KATNB1: variants seen among roughly 807,000 people sequenced by gnomAD.
KATNB1 encodes the protein katanin p80 WD40 repeat-containing subunit B1.
KATNB1 carries 38 observed loss-of-function variants against 82.3 expected under a neutral mutation model. That is an observed-to-expected ratio of 0.46 (90% CI 0.36 to 0.61). The LOEUF is 0.61. Ranked by LOEUF, KATNB1 falls within the 20% of genes least tolerant of loss-of-function variation. KATNB1 has a pLI of 0.00. For missense variants in KATNB1, 749 were observed against 915.7 expected, an observed-to-expected ratio of 0.82 and a Z score of 2.35; for synonymous variants, 361 against 368.7, an observed-to-expected ratio of 0.98 and a Z score of 0.24.
At chr16:57,749,393 C>T (rs1377984659) in intron 4 of KATNB1, among the ~76,000 whole-genome samples, 1 of 152,176 alleles carries the variant, frequency 6.6e-6, no homozygotes, top group Non-Finnish European at 1.5e-5. Flanking sequence ...TTGTCTGATG[C>T]CAGAGCCCAC....
At chr16:57,753,612 C>T in intron 12 of KATNB1, 93 bp downstream of exon 12, 1 of 1,487,434 alleles carries the variant, frequency 6.7e-7, no homozygotes, top group South Asian at 1.2e-5. Flanking sequence ...GCTCCGCATC[C>T]CTTTAACTTC....
intron 12 of KATNB1, 151 bp downstream of exon 12, chr16:57,753,670 G>A (rs1388537497): frequency 8.9e-7 from 1 of 1,124,788 alleles, no homozygotes; most frequent in Admixed American, 2.7e-5. Flanking sequence ...CGTTCCCTGG[G>A]CCTTGCCAGG....
In KATNB1 at chr16:57,752,569, G is replaced by A; in HGVS notation, c.672G>A (p.Val224=). 6.4e-7 allele frequency: 1 copy of A among 1,570,014 alleles called. No homozygotes were observed. The highest frequency in any genetic ancestry group is 8.6e-7 in the Non-Finnish European group (1 of 1,157,584). ...RFWDLEKFQV[V]SCIEGEPGPV... is the part of the protein sequence containing the mutation. ...GGGACCTGGAGAAGTTCCAGGTGGT[G>A]AGCTGCATCGAAGGGGAGCCTGGGC... The change falls in exon 9 of 20, where the codon GTG becomes GTA. Residue 224 remains valine (V), a synonymous_variant. Coordinates refer to ENST00000379661, the MANE Select transcript of KATNB1 (RefSeq NM_005886.3).
chr16:57,752,756 G>A lies in KATNB1; in HGVS notation c.705-22G>A, dbSNP rs782430460. On this transcript the variant is annotated intron_variant, in intron 9 of 19. Coordinates refer to ENST00000379661, the MANE Select transcript of KATNB1 (RefSeq NM_005886.3). ...CCAGGCTGGGTGCCACAGGACCCAC[G>A]GCCATCTCTCGCCTGGCCCAGGAGC... 3.6e-5 allele frequency: 58 copies of A among 1,605,176 alleles called. 1 individual carries two copies. In the Admixed American group the frequency reaches 4.0e-4, roughly 11 times the overall value.
rs577532958 is a variant in KATNB1 at position 57,755,721 on chromosome 16, G to A, written c.1567-120G>A. 2,732 of 1,041,936 alleles carry A rather than the reference G, an allele frequency of 2.6e-3. 6 individuals carry two copies. Among genetic ancestry groups the A allele is most frequent in the Non-Finnish European group, 3.3e-3 (2,402 of 722,772 alleles). The allele number at this position is 1,041,936 out of a possible 1,614,324, so 64.5% of individuals were successfully genotyped here. A position where few individuals can be genotyped will look rare whatever the true frequency, so the allele number is the denominator to read the frequency against. ...CCTTACACTCATTGCGTTAGGTGCA[G>A]TGCTGAATACCCACAGCCCCATCAG... On this transcript the variant is annotated intron_variant, in intron 16 of 19. Transcript: ENST00000379661.
chr16:57,739,872 C>T lies in KATNB1; in HGVS notation c.41-1815C>T, dbSNP rs570481736. Among the ~76,000 whole-genome samples, 3 of 152,238 alleles carry T rather than the reference C, an allele frequency of 2.0e-5. No homozygotes were observed. The South Asian group carries it at 6.2e-4, about 32-fold the overall frequency. ...AAATACTGATATTATGAATGAATGC[C>T]CCTGACTCCAGGGGCAGCAGTCCTG... is the stretch of plus-strand genomic sequence containing the variant. On this transcript the variant is annotated intron_variant, in intron 2 of 19. Transcript: ENST00000379661.
At chr16:57,741,077 C>G (rs868909551) in intron 2 of KATNB1, among the ~76,000 whole-genome samples, 103 of 152,236 alleles carry the variant, frequency 6.8e-4, no homozygotes, top group African/African-American at 2.3e-3. Context: ...TAGCAGATCA[C>G]AGACCTCAGA....
Position 57,751,387 on chromosome 16 carries a change from A to AGG in KATNB1, c.432+88_432+89dup. On this transcript the variant is annotated intron_variant, in intron 6 of 19. Transcript: ENST00000379661. This position sits in a 1 kb window ranked among gnomAD's most constrained non-coding sequence, Gnocchi z 6.3. ...GTGCCCAGACCCCAGCAGGGGGTGG[A>AGG]GGGGACGGCTGTCCCACATGGGTGA... 3.7e-6 allele frequency: 5 copies of AGG among 1,341,298 alleles called. No individual in the cohort carries two copies. The highest frequency in any genetic ancestry group is 4.3e-6 in the Non-Finnish European group (4 of 932,440). The allele number at this position is 1,341,298 out of a possible 1,614,324, so 83.1% of individuals were successfully genotyped here.
intron 8 of KATNB1, 50 bp from the exon 9 acceptor site, chr16:57,752,480 A>AG: frequency 6.7e-7 from 1 of 1,500,884 alleles, no homozygotes; most frequent in Non-Finnish European, 9.1e-7. Context: ...GGACATGTGG[A>AG]GGCCAGGATG....
At position 57,753,506 on chromosome 16, in the gene KATNB1, C is replaced by T; in HGVS notation, c.1164C>T (p.Pro388=). The T allele has an allele frequency of 6.2e-7, 1 of 1,613,104 alleles. No homozygotes were observed. The highest frequency in any genetic ancestry group is 8.5e-7 in the Non-Finnish European group (1 of 1,179,924). ...AGGACTACAACGAGATCTTCCAGCC[C>T]AAGAACAGCATCAGTGAGGCCGGGC... ...NAEDYNEIFQ[P]KNSISRTPPR... Residue 388 remains proline (P), a synonymous_variant, in exon 12 of 20, where the codon CCC becomes CCT. Transcript: ENST00000379661.
At chr16:57,746,866 C>G (rs1490300864) in intron 4 of KATNB1, among the ~76,000 whole-genome samples, 3 of 152,092 alleles carry the variant, frequency 2.0e-5, no homozygotes, top group African/African-American at 7.2e-5. Context: ...AAATAAGACC[C>G]GTTTGCCTGA....
rs146041842 is a variant in KATNB1, at chr16:57,756,894, G to A, written c.1916G>A (p.Arg639His). ...LVKSKSGLSG[R>H]HGSTFRELHL... Reference sequence around the variant, plus strand: ...AAGAGCAAGTCAGGCCTGAGCGGCCGCCATGGCAGTACCTTCCGCGAGCTG... The same window carrying A: ...AAGAGCAAGTCAGGCCTGAGCGGCCACCATGGCAGTACCTTCCGCGAGCTG... Residue 639 changes from arginine (R) to histidine (H), a missense_variant, in exon 20 of 20, where the codon CGC becomes CAC. Around this residue, in one of 3 missense-constraint regions of KATNB1, gnomAD observed 95 missense variants for 131.6 expected, o/e 0.72. Coordinates refer to ENST00000379661, the MANE Select transcript of KATNB1 (RefSeq NM_005886.3). 4 of 1,553,800 alleles carry A rather than the reference G, an allele frequency of 2.6e-6. No individual in the cohort carries two copies. The highest frequency in any genetic ancestry group is 3.5e-6 in the Non-Finnish European group (4 of 1,148,488).
chr16:57,756,735 T>A, intron 19 of KATNB1, 79 bp from the exon 20 acceptor site: 1 of 1,464,850 alleles, frequency 6.8e-7, no homozygotes, highest in Non-Finnish European at 9.1e-7. Context: ...GCTGGAGCAG[T>A]TAGGACAGCA....
Position 57,751,791 on chromosome 16 carries a change from T to A in KATNB1, c.516+67T>A. 1 of 1,494,588 alleles carries A rather than the reference T, an allele frequency of 6.7e-7. No homozygotes were observed. Among genetic ancestry groups the A allele is most frequent in the Non-Finnish European group, 9.2e-7 (1 of 1,081,138 alleles). 92.6% of individuals were successfully genotyped at this position (1,494,588 alleles called of 1,614,324 possible). A position where few individuals can be genotyped will look rare whatever the true frequency, so the allele number is the denominator to read the frequency against. On this transcript the variant is annotated intron_variant, in intron 7 of 19. Transcript: ENST00000379661. This position sits in a 1 kb window ranked among gnomAD's most constrained non-coding sequence, Gnocchi z 6.3. ...GGTCTGCTGATCACAGCAGGCTGAG[T>A]CCTCACCTCCCTCCTGATCGGGCTC...
Position 57,748,208 on chromosome 16 carries a change from A to G in KATNB1, c.290-2619A>G, listed in dbSNP as rs554066140. 2.8e-4 allele frequency among the ~76,000 whole-genome samples: 42 copies of G among 152,272 alleles called. 1 individual carries two copies. In the South Asian group the frequency reaches 7.5e-3, roughly 27 times the overall value. The stretch of plus-strand genomic sequence containing the variant: ...TGTCTGTTCTGCCATTGGATGGAAG[A>G]GAAACTTGCCATCAGCACAGCAGGT... On this transcript the variant is annotated intron_variant, in intron 4 of 19. Transcript: ENST00000379661.
chr16:57,749,693 G>A (rs1476424119), intron 4 of KATNB1, among the ~76,000 whole-genome samples: 1 of 152,210 alleles, frequency 6.6e-6, no homozygotes, highest in Non-Finnish European at 1.5e-5. Flanking sequence ...TGGTACTGGA[G>A]GACACCCTGA....
chr16:57,752,120 G>A (rs1182586637), intron 8 of KATNB1, 65 bp downstream of exon 8: 11 of 1,007,094 alleles, frequency 1.1e-5, no homozygotes, highest in South Asian at 2.6e-5. Flanking sequence ...TCCTCTGTGC[G>A]TGTCTCTACT....
At chr16:57,740,917 G>A (rs528046437) in intron 2 of KATNB1, among the ~76,000 whole-genome samples, 15 of 152,256 alleles carry the variant, frequency 9.9e-5, no homozygotes, top group Admixed American at 5.2e-4. Flanking sequence ...CCAATGTCAC[G>A]GAGCCCTCGC....
Position 57,756,835 on chromosome 16 carries a change from C to A in KATNB1, c.1857C>A (p.Cys619Ter). 6.3e-7 allele frequency: 1 copy of A among 1,574,838 alleles called. No homozygotes were observed. Among genetic ancestry groups the A allele is most frequent in the Non-Finnish European group, 8.6e-7 (1 of 1,158,910 alleles). ...REERLHKCRLCYKQLKSISGL... is the reference protein window; with the variant it reads ...REERLHKCRL ...ACAGGCTGCATAAGTGCCGGCTCTG[C>A]TACAAGCAGCTTAAGAGCATCAGCG... Residue 619 changes from cysteine to a stop codon, truncating the protein, a stop_gained, in exon 20 of 20, where the codon TGC becomes TGA. Transcript: ENST00000379661. LOFTEE classifies it high-confidence loss of function.
Sources: allele counts gnomAD v4.1 joint callset (sites outside exome capture counted in the v4.1 genomes callset), GRCh38; gene constraint gnomAD v4.1.1; regional missense constraint gnomAD v4.1.1; non-coding constraint Gnocchi (gnomAD v3.1); transcripts MANE v1.5; gene names NCBI Gene and HGNC (gene_info 2026-07-23, HGNC 2026-07-21).